AGBL4: variants seen among roughly 807,000 people sequenced by gnomAD.
AGBL4 encodes the protein cytosolic carboxypeptidase 6.
AGBL4 carries 58 observed loss-of-function variants against 66.4 expected under a neutral mutation model. The observed-to-expected ratio is 0.87, with a 90% CI of 0.71 to 1.09. AGBL4 has a LOEUF of 1.09. Among genes scored for constraint, AGBL4 ranks in the 50% least tolerant of loss-of-function variants. AGBL4 has a pLI of 0.00. For synonymous variants in AGBL4, 234 were observed against 222.9 expected, an observed-to-expected ratio of 1.05 and a Z score of -0.44; for missense variants, 579 against 631.0, an observed-to-expected ratio of 0.92 and a Z score of 0.88.
chr1:49,127,573 T>C (rs1363962620), intron 4 of AGBL4, among the ~76,000 whole-genome samples: 1 of 152,036 alleles, frequency 6.6e-6, no homozygotes, highest in Non-Finnish European at 1.5e-5. Flanking sequence ...AATTTTACTG[T>C]CTTCCAAAGT....
At chr1:49,875,024 G>A (rs953205011) in intron 1 of AGBL4, among the ~76,000 whole-genome samples, 18 of 132,956 alleles carry the variant, frequency 1.4e-4, no homozygotes, top group African/African-American at 4.0e-4. Context: ...CCCTTCCTGT[G>A]TCCATGTATT....
At chr1:49,890,123 T>C (rs1325200070) in intron 1 of AGBL4, among the ~76,000 whole-genome samples, 5 of 152,202 alleles carry the variant, frequency 3.3e-5, no homozygotes, top group Admixed American at 3.3e-4. Flanking sequence ...TTTTATACAT[T>C]ATTTTGCATA....
intron 1 of AGBL4, among the ~76,000 whole-genome samples, chr1:49,956,943 T>G (rs1341786637): frequency 6.6e-6 from 1 of 151,976 alleles, no homozygotes; most frequent in South Asian, 2.1e-4. Context: ...GATGCCTGGC[T>G]AAAGAATTTG....
intron 5 of AGBL4, among the ~76,000 whole-genome samples, chr1:49,008,025 C>T (rs552642142): frequency 2.1e-4 from 32 of 152,160 alleles, no homozygotes; most frequent in East Asian, 5.8e-4. Context: ...TAACACATAA[C>T]GATATTAACT....
chr1:48,789,909 C>T (rs1257944923), intron 6 of AGBL4, among the ~76,000 whole-genome samples: 3 of 152,180 alleles, frequency 2.0e-5, no homozygotes, highest in South Asian at 4.1e-4. Context: ...CTGACTCTTA[C>T]CACTTCCTAG....
At chr1:48,971,311 T>C (rs946302100) in intron 5 of AGBL4, among the ~76,000 whole-genome samples, 13 of 152,132 alleles carry the variant, frequency 8.5e-5, no homozygotes, top group Non-Finnish European at 1.9e-4. Flanking sequence ...GTGCTCGTTA[T>C]GAGAATCCAA....
At chr1:49,724,794 A>C (rs922239549) in intron 2 of AGBL4, among the ~76,000 whole-genome samples, 6 of 152,132 alleles carry the variant, frequency 3.9e-5, no homozygotes, top group Non-Finnish European at 5.9e-5. Flanking sequence ...TCCCCCAAGG[A>C]AAAATCATGC....
intron 6 of AGBL4, among the ~76,000 whole-genome samples, chr1:48,749,042 C>T (rs1237479501): frequency 6.6e-6 from 1 of 152,014 alleles, no homozygotes; most frequent in Non-Finnish European, 1.5e-5. Context: ...AGCCCCCTTT[C>T]CAAGGGGGAG....
At chr1:49,689,927 G>A (rs775670104) in intron 3 of AGBL4, among the ~76,000 whole-genome samples, 3 of 152,126 alleles carry the variant, frequency 2.0e-5, no homozygotes, top group Non-Finnish European at 4.4e-5. Context: ...AGCTTCACCT[G>A]CTACAGAGAA....
At chr1:49,024,237 C>G (rs1349291345) in intron 5 of AGBL4, among the ~76,000 whole-genome samples, 2 of 152,086 alleles carry the variant, frequency 1.3e-5, no homozygotes, top group Non-Finnish European at 2.9e-5. Flanking sequence ...CTTTCCTCCT[C>G]GCACTCTCAA....
At chr1:49,280,982 C>T (rs1445253820) in intron 3 of AGBL4, among the ~76,000 whole-genome samples, 1 of 152,110 alleles carries the variant, frequency 6.6e-6, no homozygotes, top group Non-Finnish European at 1.5e-5. Context: ...GTTTATTTGG[C>T]TTTAAGTTAT....
intron 3 of AGBL4, among the ~76,000 whole-genome samples, chr1:49,618,663 AC>A (rs1448680928): frequency 6.6e-6 from 1 of 152,138 alleles, no homozygotes; most frequent in African/African-American, 2.4e-5. Flanking sequence ...AGACACAACA[AC>A]AAAAAAAGAG....
intron 9 of AGBL4, among the ~76,000 whole-genome samples, chr1:48,595,325 A>G (rs1351584344): frequency 6.6e-6 from 1 of 152,214 alleles, no homozygotes; most frequent in African/African-American, 2.4e-5. Flanking sequence ...GGTATATAGT[A>G]GGTCATCATT....
chr1:49,634,354 G>C (rs1479962391), intron 3 of AGBL4, among the ~76,000 whole-genome samples: 1 of 152,020 alleles, frequency 6.6e-6, no homozygotes, highest in Non-Finnish European at 1.5e-5. Flanking sequence ...GAGAATGATG[G>C]TTTCCAGCTT....
At chr1:49,117,315 A>G (rs1645546820) in intron 4 of AGBL4, among the ~76,000 whole-genome samples, 1 of 152,144 alleles carries the variant, frequency 6.6e-6, no homozygotes, top group Admixed American at 6.5e-5. Context: ...CCTGAATGGT[A>G]TTGCCTAGGT....
intron 1 of AGBL4, among the ~76,000 whole-genome samples, chr1:49,960,316 C>A (rs1191952290): frequency 1.3e-5 from 2 of 151,860 alleles, no homozygotes; most frequent in Non-Finnish European, 2.9e-5. Context: ...ATGTCAGGAA[C>A]CGAAAATTAA....
chr1:49,166,859 C>A (rs1646644309), intron 4 of AGBL4, among the ~76,000 whole-genome samples: 1 of 152,148 alleles, frequency 6.6e-6, no homozygotes, highest in Non-Finnish European at 1.5e-5. Context: ...TAGTCTATAA[C>A]CTAACTTACT....
At chr1:48,844,671 C>T (rs1290881556) in intron 6 of AGBL4, among the ~76,000 whole-genome samples, 1 of 152,230 alleles carries the variant, frequency 6.6e-6, no homozygotes, top group African/African-American at 2.4e-5. Context: ...ACCCAACTGA[C>T]ATTTCCTCCT....
At chr1:48,750,032 A>G (rs1651427639) in intron 6 of AGBL4, among the ~76,000 whole-genome samples, 1 of 152,132 alleles carries the variant, frequency 6.6e-6, no homozygotes, top group Non-Finnish European at 1.5e-5. Flanking sequence ...TGAGGAGGCA[A>G]AGTTTGATCA....
Sources: gnomAD v4.1 joint callset for allele counts (sites outside exome capture counted in the v4.1 genomes callset) on GRCh38, gnomAD v4.1.1 for gene constraint, MANE v1.5 for transcripts, NCBI Gene and HGNC (gene_info 2026-07-23, HGNC 2026-07-21) for gene names.